ADAMTS18: variants seen among roughly 807,000 people sequenced by gnomAD.
The protein encoded by ADAMTS18 is ADAM metallopeptidase with thrombospondin type 1 motif 18, also known as A disintegrin and metalloproteinase with thrombospondin motifs 18.
Under a neutral mutation model 165.9 loss-of-function variants are expected in ADAMTS18, and 157 were observed. That is an observed-to-expected ratio of 0.95 (90% confidence interval 0.83 to 1.08). The LOEUF is 1.08. Ranked by LOEUF, ADAMTS18 falls within the 50% of genes least tolerant of loss-of-function variation. The pLI, the probability that ADAMTS18 is intolerant of heterozygous loss-of-function variation, is 0.00. For missense variants in ADAMTS18, 2,040 were observed against 1,534.0 expected (o/e 1.33, Z -5.51); for synonymous variants, 782 against 578.2 (o/e 1.35, Z -5.06).
Position 77,306,249 on chromosome 16 carries a change from T to C in ADAMTS18, c.2533-5845A>G, listed in dbSNP as rs1446316837. 3.9e-5 allele frequency among the ~76,000 whole-genome samples: 6 copies of C among 152,190 alleles called. No homozygotes were observed. The South Asian group carries it at 1.0e-3, about 26-fold the overall frequency. ...GTCCTCCATAGAGATGTTTAATGTC[T>C]ACCTTTAACACACAAACCACCTGAC... On this transcript the variant is annotated intron_variant, in intron 16 of 22. Coordinates refer to ENST00000282849, the MANE Select transcript of ADAMTS18 (RefSeq NM_199355.4).
intron 3 of ADAMTS18, among the ~76,000 whole-genome samples, chr16:77,424,470 A>G (rs1165227989): frequency 6.8e-6 from 1 of 146,780 alleles, no homozygotes; most frequent in Non-Finnish European, 1.5e-5. Flanking sequence ...CTCCATCTCA[A>G]AAAAAAAAAA....
intron 15 of ADAMTS18, 139 bp downstream of exon 15, chr16:77,320,940 T>A: frequency 2.8e-6 from 3 of 1,080,592 alleles, no homozygotes; most frequent in Non-Finnish European, 4.3e-6. Context: ...TCCCTTACTC[T>A]TGCACAAGTG....
In ADAMTS18 at chr16:77,367,562, G is replaced by A; in HGVS notation, c.657C>T (p.Gly219=). The A allele has an allele frequency of 6.2e-7, 1 of 1,614,222 alleles. No homozygotes were observed. Among genetic ancestry groups the A allele is most frequent in the Non-Finnish European group, 8.5e-7 (1 of 1,180,044 alleles). ...EKIQRYRGYP[G]SGRNYPGYSP... is the part of the protein sequence containing the mutation. ...AGTAACCAGGATAATTCCGGCCAGAGCCGGGGTAGCCACGGTACCGCTGGA... is the reference window on the plus strand; with the variant it reads ...AGTAACCAGGATAATTCCGGCCAGAACCGGGGTAGCCACGGTACCGCTGGA... Residue 219 remains glycine (G), a synonymous_variant, in exon 4 of 23, where the codon GGC becomes GGT. Coordinates refer to ENST00000282849, the MANE Select transcript of ADAMTS18 (RefSeq NM_199355.4).
At chr16:77,346,968 A>G (rs529865100) in intron 10 of ADAMTS18, among the ~76,000 whole-genome samples, 2 of 152,286 alleles carry the variant, frequency 1.3e-5, no homozygotes, top group Non-Finnish European at 2.9e-5. Flanking sequence ...TTTGCAGTCA[A>G]TTCCCTTCTT....
chr16:77,286,678 C>A (rs1175380100), intron 22 of ADAMTS18, among the ~76,000 whole-genome samples: 1 of 151,958 alleles, frequency 6.6e-6, no homozygotes, highest in Non-Finnish European at 1.5e-5. Flanking sequence ...TGCTGCCTGC[C>A]CCCATCTGAA....
rs538039525 is a variant in ADAMTS18, at chr16:77,367,536, G to A, written c.683C>T (p.Ser228Phe). The A allele has an allele frequency of 1.2e-6, 2 of 1,614,242 alleles. No homozygotes were observed. The highest frequency in any genetic ancestry group is 1.7e-6 in the Non-Finnish European group (2 of 1,180,050). The part of the protein sequence containing the change: ...PGSGRNYPGY[S>F]PSHIPHASQS... ...AGATGCATGGGGAATGTGACTTGGG[G>A]AGTAACCAGGATAATTCCGGCCAGA... is the stretch of plus-strand genomic sequence containing the variant. Residue 228 changes from serine (S) to phenylalanine (F), a missense_variant, in exon 4 of 23, where the codon TCC becomes TTC. Transcript: ENST00000282849.
intron 3 of ADAMTS18, among the ~76,000 whole-genome samples, chr16:77,418,660 G>A (rs2057561141): frequency 9.6e-6 from 1 of 104,620 alleles, no homozygotes; most frequent in South Asian, 2.8e-4. Context: ...TTTAAATAGT[G>A]AATATCTAAG....
At position 77,355,975 on chromosome 16, in the gene ADAMTS18, A is replaced by C. The variant is rs1228957849; in HGVS notation, c.1425T>G (p.Ser475=). The C allele has an allele frequency of 6.2e-7, 1 of 1,614,004 alleles. No individual in the cohort carries two copies. Among genetic ancestry groups the C allele is most frequent in the Non-Finnish European group, 8.5e-7 (1 of 1,179,988 alleles). ...TCTTGAGATACTGGCGGCTGCAGGAAGACCATGAAAACACTCCATTGTTTC... is the reference window on the plus strand; with the variant it reads ...TCTTGAGATACTGGCGGCTGCAGGACGACCATGAAAACACTCCATTGTTTC... ...LTGNNGVFSW[S]SCSRQYLKKF... Residue 475 remains serine (S), a synonymous_variant, in exon 9 of 23, where the codon TCT becomes TCG. Transcript: ENST00000282849.
chr16:77,317,106 TG>T (rs374735048), intron 16 of ADAMTS18, among the ~76,000 whole-genome samples: 16 of 151,534 alleles, frequency 1.1e-4, no homozygotes, highest in East Asian at 3.9e-4. Flanking sequence ...TCAAAAAGTC[TG>T]TTTTTTTATC....
chr16:77,305,635 C>T (rs1309725553), intron 16 of ADAMTS18, among the ~76,000 whole-genome samples: 1 of 152,136 alleles, frequency 6.6e-6, no homozygotes, highest in African/African-American at 2.4e-5. Context: ...TTTTCAAATT[C>T]GAAATGACCC....
At chr16:77,288,048 C>T (rs1171613922) in intron 22 of ADAMTS18, among the ~76,000 whole-genome samples, 4 of 152,074 alleles carry the variant, frequency 2.6e-5, no homozygotes, top group African/African-American at 7.2e-5. Flanking sequence ...TTCATGTAGC[C>T]CTACACTCAT....
chr16:77,367,209 G>A (rs2056807919), intron 4 of ADAMTS18, among the ~76,000 whole-genome samples: 1 of 152,176 alleles, frequency 6.6e-6, no homozygotes, highest in African/African-American at 2.4e-5. Context: ...TGGCATGAAA[G>A]TAGGAGATAC....
intron 12 of ADAMTS18, 91 bp from the exon 13 acceptor site, chr16:77,326,129 A>C: frequency 8.0e-7 from 1 of 1,253,716 alleles, no homozygotes; most frequent in South Asian, 1.3e-5. Context: ...AATGAAGATG[A>C]GCACTGCCAC....
At chr16:77,418,834 C>G (rs1330281672) in intron 3 of ADAMTS18, among the ~76,000 whole-genome samples, 1 of 152,152 alleles carries the variant, frequency 6.6e-6, no homozygotes, top group Non-Finnish European at 1.5e-5. Flanking sequence ...TAACAAATTA[C>G]CACAAACTCA....
intron 3 of ADAMTS18, among the ~76,000 whole-genome samples, chr16:77,421,587 C>T (rs2057603488): frequency 6.6e-6 from 1 of 152,190 alleles, no homozygotes; most frequent in Non-Finnish European, 1.5e-5. Flanking sequence ...GCCCTAGGCT[C>T]ATGGAAAACA....
At chr16:77,302,634 T>C (rs953858819) in intron 16 of ADAMTS18, among the ~76,000 whole-genome samples, 1 of 152,200 alleles carries the variant, frequency 6.6e-6, no homozygotes, top group African/African-American at 2.4e-5. Flanking sequence ...TTTTCTGCCA[T>C]AGGGGAACAG....
intron 12 of ADAMTS18, among the ~76,000 whole-genome samples, chr16:77,335,516 T>C (rs974823987): frequency 6.6e-6 from 1 of 152,128 alleles, no homozygotes; most frequent in African/African-American, 2.4e-5. Flanking sequence ...CATTGGAATT[T>C]TTTTAATAAA....
At chr16:77,380,159 A>C (rs921939352) in intron 3 of ADAMTS18, among the ~76,000 whole-genome samples, 3 of 152,190 alleles carry the variant, frequency 2.0e-5, no homozygotes. Context: ...TTTACTCACT[A>C]ACCCACTGGG....
At chr16:77,427,353 A>G (rs1217555920) in intron 3 of ADAMTS18, among the ~76,000 whole-genome samples, 1 of 152,240 alleles carries the variant, frequency 6.6e-6, no homozygotes, top group African/African-American at 2.4e-5. Context: ...TTGGAAGACA[A>G]AATTAAGAAA....
Sources: gnomAD v4.1 joint callset for allele counts (sites outside exome capture counted in the v4.1 genomes callset) on GRCh38, gnomAD v4.1.1 for gene constraint, MANE v1.5 for transcripts, NCBI Gene and HGNC (gene_info 2026-07-23, HGNC 2026-07-21) for gene names.